EFL1: variants seen among roughly 807,000 people sequenced by gnomAD.
The protein encoded by EFL1 is elongation factor-like GTPase 1.
In EFL1, 76 loss-of-function variants were observed where a neutral mutation model predicts 126.7. The observed-to-expected ratio is 0.60, with a 90% CI of 0.50 to 0.73. The LOEUF is 0.73. EFL1 is among the 30% of genes least tolerant of loss of function. The pLI, the probability that EFL1 is intolerant of heterozygous loss-of-function variation, is 0.00. For synonymous variants in EFL1, 410 were observed against 448.4 expected (o/e 0.91, Z 1.08); for missense variants, 1,128 against 1,343.2 (o/e 0.84, Z 2.50).
intron 8 of EFL1, among the ~76,000 whole-genome samples, chr15:82,230,557 T>A (rs2074810554): frequency 6.6e-6 from 1 of 151,842 alleles, no homozygotes; most frequent in Non-Finnish European, 1.5e-5. Context: ...GCACAAAATG[T>A]GTGTCTTCAG....
intron 15 of EFL1, among the ~76,000 whole-genome samples, chr15:82,189,544 G>A (rs951622636): frequency 6.6e-6 from 1 of 151,984 alleles, no homozygotes; most frequent in African/African-American, 2.4e-5. Context: ...CAAACCATCT[G>A]GATGTTCTAG....
In EFL1 at chr15:82,262,674, T is replaced by G; in HGVS notation, c.-80A>C. On this transcript the variant is annotated 5_prime_UTR_variant, in exon 1 of 20. Coordinates refer to ENST00000268206, the MANE Select transcript of EFL1 (RefSeq NM_024580.6). ...TCGGGTCGCACCCACACCGAGAGCT[T>G]CCGAAAGTCCGAGAGCTCTGCGGGT... 1 of 542,638 alleles carries G rather than the reference T, an allele frequency of 1.8e-6. No individual in the cohort carries two copies. The highest frequency in any genetic ancestry group is 3.2e-6 in the Non-Finnish European group (1 of 314,304). The allele number at this position is 542,638 out of a possible 1,614,324, so 33.6% of individuals were successfully genotyped here.
chr15:82,255,870 G>A (rs1329859968), intron 3 of EFL1, among the ~76,000 whole-genome samples: 1 of 152,086 alleles, frequency 6.6e-6, no homozygotes, highest in Non-Finnish European at 1.5e-5. Flanking sequence ...TGGGTAAGAT[G>A]TATTTCCATA....
intron 15 of EFL1, among the ~76,000 whole-genome samples, chr15:82,189,488 ATTTTC>A (rs757722108): frequency 6.6e-5 from 10 of 152,086 alleles, no homozygotes; most frequent in Non-Finnish European, 1.2e-4. Context: ...TGTTGACTTC[ATTTTC>A]TTTTCTTTAA....
chr15:82,249,089 TTTTA>T (rs1426621537), intron 4 of EFL1, among the ~76,000 whole-genome samples: 1 of 152,058 alleles, frequency 6.6e-6, no homozygotes, highest in Non-Finnish European at 1.5e-5. Context: ...TGAGAGTGAT[TTTTA>T]TTTCATTTTT....
intron 7 of EFL1, among the ~76,000 whole-genome samples, chr15:82,232,485 A>G (rs1236169854): frequency 1.3e-5 from 2 of 152,108 alleles, no homozygotes; most frequent in African/African-American, 4.8e-5. Flanking sequence ...TCGCCCCCAA[A>G]CCATGTGCCT....
intron 4 of EFL1, among the ~76,000 whole-genome samples, chr15:82,249,299 A>G (rs1327131131): frequency 6.6e-6 from 1 of 151,438 alleles, no homozygotes; most frequent in East Asian, 1.9e-4. Context: ...ATATATATAA[A>G]TAAATATATA....
At chr15:82,175,124 C>T (rs905890788) in intron 15 of EFL1, among the ~76,000 whole-genome samples, 1 of 152,136 alleles carries the variant, frequency 6.6e-6, no homozygotes, top group Non-Finnish European at 1.5e-5. Context: ...ATTGTAAGTG[C>T]TCCTGAAGCA....
intron 17 of EFL1, among the ~76,000 whole-genome samples, chr15:82,153,564 T>C (rs958794259): frequency 1.3e-5 from 2 of 152,182 alleles, no homozygotes; most frequent in Non-Finnish European, 2.9e-5. Context: ...GAAAACCAGA[T>C]AAGAAAGATT....
Position 82,133,539 on chromosome 15 carries a change from G to A in EFL1, c.3175-2978C>T, listed in dbSNP as rs141178843. Among the ~76,000 whole-genome samples the A allele has an allele frequency of 6.2e-4, 95 of 152,320 alleles. 1 individual carries two copies. The East Asian group carries it at 0.018, about 29-fold the overall frequency. On this transcript the variant is annotated intron_variant, in intron 19 of 19. Coordinates refer to ENST00000268206, the MANE Select transcript of EFL1 (RefSeq NM_024580.6). ...TGAAACCTGAACAAGTGCTATGGGT[G>A]TATCAATGTCAATGTACTGTAAGAG...
chr15:82,170,268 C>G (rs986860520), intron 15 of EFL1, among the ~76,000 whole-genome samples: 3 of 151,558 alleles, frequency 2.0e-5, no homozygotes, highest in Admixed American at 2.0e-4. Flanking sequence ...GCGCCCGCCA[C>G]TACGCCCGGC....
intron 15 of EFL1, among the ~76,000 whole-genome samples, chr15:82,198,511 T>C (rs1440881006): frequency 6.6e-6 from 1 of 152,144 alleles, no homozygotes; most frequent in African/African-American, 2.4e-5. Flanking sequence ...AATTCCTCTA[T>C]GTCAAATGGC....
chr15:82,240,682 A>G (rs1348125924), intron 5 of EFL1, 127 bp from the exon 6 acceptor site: 33 of 1,052,786 alleles, frequency 3.1e-5, no homozygotes, highest in Middle Eastern at 3.1e-4. Flanking sequence ...GGCATTCACA[A>G]ACTATGTATA....
chr15:82,227,712 T>C (rs2074779528), intron 10 of EFL1, 140 bp from the exon 11 acceptor site: 1 of 1,130,078 alleles, frequency 8.8e-7, no homozygotes, highest in African/African-American at 1.6e-5. Flanking sequence ...CACTGCTTTA[T>C]GCATCACATC....
intron 7 of EFL1, among the ~76,000 whole-genome samples, chr15:82,235,616 A>G (rs2074865102): frequency 6.6e-6 from 1 of 152,168 alleles, no homozygotes; most frequent in Non-Finnish European, 1.5e-5. Context: ...ATATTAATTA[A>G]TACAGAAAAG....
intron 19 of EFL1, among the ~76,000 whole-genome samples, chr15:82,135,255 A>G (rs996515807): frequency 2.6e-5 from 4 of 152,172 alleles, no homozygotes; most frequent in African/African-American, 9.7e-5. Context: ...CCAGAAAGTA[A>G]TATTTTTTAA....
At chr15:82,205,324 G>A (rs1023689639) in intron 15 of EFL1, among the ~76,000 whole-genome samples, 13 of 152,156 alleles carry the variant, frequency 8.5e-5, no homozygotes, top group African/African-American at 2.4e-4. Context: ...GCAAATGCTC[G>A]TTGTGGCTTT....
chr15:82,188,269 T>C (rs1024541963), intron 15 of EFL1, among the ~76,000 whole-genome samples: 28 of 152,290 alleles, frequency 1.8e-4, no homozygotes, highest in African/African-American at 6.7e-4. Flanking sequence ...AGCGTCATTG[T>C]CTTTTAATTA....
chr15:82,187,224 T>C (rs573804085), intron 15 of EFL1, among the ~76,000 whole-genome samples: 78 of 152,326 alleles, frequency 5.1e-4, no homozygotes, highest in South Asian at 1.0e-3. Context: ...TTGTGACATA[T>C]GCCTGGAGCT....
Sources: allele counts gnomAD v4.1 joint callset (sites outside exome capture counted in the v4.1 genomes callset), GRCh38; gene constraint gnomAD v4.1.1; transcripts MANE v1.5; gene names NCBI Gene and HGNC (gene_info 2026-07-23, HGNC 2026-07-21).